Variants in CORO1C observed in about 807,000 individuals in gnomAD.
CORO1C encodes coronin 1C.
In CORO1C, 14 loss-of-function variants were observed where a neutral mutation model predicts 51.2. That is an observed-to-expected ratio of 0.27 (90% CI 0.18 to 0.43). CORO1C has a LOEUF of 0.43. CORO1C is among the 20% of genes least tolerant of loss of function. The probability of loss-of-function intolerance (pLI) is 1.00; values close to 1 mark genes in which losing one functional copy is unlikely to be tolerated. For missense variants in CORO1C, 417 were observed against 607.8 expected (o/e 0.69, Z 3.30); for synonymous variants, 181 against 210.5 (o/e 0.86, Z 1.21).
intron 6 of CORO1C, among the ~76,000 whole-genome samples, chr12:108,656,294 C>G (rs1216148683): frequency 1.4e-5 from 2 of 146,224 alleles, no homozygotes; most frequent in African/African-American, 2.5e-5. Context: ...GAGGTGGGGG[C>G]TCAGCCCCCG....
intron 1 of CORO1C, among the ~76,000 whole-genome samples, chr12:108,722,482 C>T (rs2035495205): frequency 6.6e-6 from 1 of 152,168 alleles, no homozygotes; most frequent in Non-Finnish European, 1.5e-5. Context: ...GGGCATGAGT[C>T]CTTACTTCTC....
intron 1 of CORO1C, among the ~76,000 whole-genome samples, chr12:108,713,411 C>A (rs2035239228): frequency 6.6e-6 from 1 of 152,172 alleles, no homozygotes; most frequent in Admixed American, 6.5e-5. Context: ...ACATAGCCTT[C>A]CAAATAGTTT....
intron 2 of CORO1C, among the ~76,000 whole-genome samples, chr12:108,690,566 T>C (rs1167924586): frequency 6.6e-6 from 1 of 152,242 alleles, no homozygotes; most frequent in Non-Finnish European, 1.5e-5. Context: ...AACATTTTAT[T>C]ATCAGAAAGC....
intron 3 of CORO1C, among the ~76,000 whole-genome samples, chr12:108,675,868 C>T (rs557818259): frequency 6.6e-6 from 1 of 152,220 alleles, no homozygotes; most frequent in South Asian, 2.1e-4. Context: ...TGAATCTGAC[C>T]GCACTTCAGG....
intron 3 of CORO1C, among the ~76,000 whole-genome samples, chr12:108,675,382 G>A (rs566319210): frequency 2.0e-5 from 3 of 152,060 alleles, no homozygotes; most frequent in Non-Finnish European, 4.4e-5. Flanking sequence ...CAGAAATCTT[G>A]AAGAGGTTTC....
intron 6 of CORO1C, among the ~76,000 whole-genome samples, chr12:108,655,525 G>A (rs1029595998): frequency 7.2e-5 from 11 of 152,306 alleles, no homozygotes; most frequent in South Asian, 2.1e-4. Context: ...GATTGCAAGC[G>A]CGCACCGCCA....
intron 2 of CORO1C, among the ~76,000 whole-genome samples, chr12:108,689,874 G>C (rs1048040091): frequency 6.6e-6 from 1 of 152,184 alleles, no homozygotes; most frequent in Non-Finnish European, 1.5e-5. Context: ...CAAGGAGAAT[G>C]TTAAGTCACA....
intron 3 of CORO1C, among the ~76,000 whole-genome samples, chr12:108,673,892 A>AAAAT (rs141267749): frequency 6.6e-6 from 1 of 151,782 alleles, no homozygotes; most frequent in Non-Finnish European, 1.5e-5. Context: ...AATAAAATAA[A>AAAAT]AAATAAATAA....
rs897224160 is a variant in CORO1C, at chr12:108,647,080, T to C, written c.*323A>G. On this transcript the variant is annotated 3_prime_UTR_variant, in exon 11 of 11. Coordinates refer to ENST00000261401, the MANE Select transcript of CORO1C (RefSeq NM_014325.4). Reference sequence around the variant, plus strand: ...TACTTGGGCACGACACAATCAGAATTAGTTTGTTTTCTAAAATTCAGAGTA... The same window carrying C: ...TACTTGGGCACGACACAATCAGAATCAGTTTGTTTTCTAAAATTCAGAGTA... 4 of 213,060 alleles carry C rather than the reference T, an allele frequency of 1.9e-5. No individual in the cohort carries two copies. The highest frequency in any genetic ancestry group is 6.9e-5 in the African/African-American group (3 of 43,602). 13.2% of individuals were successfully genotyped at this position (213,060 alleles called of 1,614,324 possible).
intron 2 of CORO1C, among the ~76,000 whole-genome samples, chr12:108,692,949 CA>C (rs1395666022): frequency 6.6e-6 from 1 of 152,058 alleles, no homozygotes; most frequent in Non-Finnish European, 1.5e-5. Context: ...AGGCGTGTGC[CA>C]CCATGCCCAG....
At chr12:108,695,059 G>T (rs2136857322) in intron 2 of CORO1C, among the ~76,000 whole-genome samples, 1 of 152,288 alleles carries the variant, frequency 6.6e-6, no homozygotes, top group African/African-American at 2.4e-5. Context: ...CTGGCCCAGG[G>T]TTTTTCACGA....
At chr12:108,672,401 G>GT (rs1045606404) in intron 3 of CORO1C, among the ~76,000 whole-genome samples, 2 of 152,138 alleles carry the variant, frequency 1.3e-5, no homozygotes, top group African/African-American at 4.8e-5. Context: ...AAGTCGTTTA[G>GT]TTTTTTAACG....
intron 2 of CORO1C, among the ~76,000 whole-genome samples, chr12:108,692,673 CA>C (rs1025202782): frequency 6.6e-6 from 1 of 152,158 alleles, no homozygotes; most frequent in African/African-American, 2.4e-5. Context: ...AAGTACTTTC[CA>C]AACCTAAGAC....
rs368147183 is a variant in CORO1C at position 108,706,186 on chromosome 12, C to CAAAAAAAAAAA, written c.-5-4864_-5-4863insTTTTTTTTTTT. ...TGGGCAACAGAGTGAGACTCTGAAT[C>CAAAAAAAAAAA]AAAAAAAAACAAAAAAAACAAAAAA... On this transcript the variant is annotated intron_variant, in intron 1 of 10. Coordinates refer to ENST00000261401, the MANE Select transcript of CORO1C (RefSeq NM_014325.4). Among the ~76,000 whole-genome samples the CAAAAAAAAAAA allele has an allele frequency of 1.3e-4, 15 of 118,464 alleles. No homozygotes were observed. The East Asian group carries it at 1.4e-3, about 11-fold the overall frequency. The allele number at this position is 118,464 out of a possible 152,430, so 77.7% of individuals were successfully genotyped here.
rs1230859810 is a variant in CORO1C at position 108,646,714 on chromosome 12, G to A, written c.*689C>T. 1 of 152,342 alleles carries A rather than the reference G, an allele frequency of 6.6e-6. No individual in the cohort carries two copies. The highest frequency in any genetic ancestry group is 1.5e-5 in the Non-Finnish European group (1 of 68,042). 9.4% of individuals were successfully genotyped at this position (152,342 alleles called of 1,614,324 possible). A position where few individuals can be genotyped will look rare whatever the true frequency, so the allele number is the denominator to read the frequency against. ...TTGATCAGAAGACTCCATGAAATGA[G>A]AGCGGTGGTAATATGAATCCACGTG... On this transcript the variant is annotated 3_prime_UTR_variant, in exon 11 of 11. Coordinates refer to ENST00000261401, the MANE Select transcript of CORO1C (RefSeq NM_014325.4).
intron 3 of CORO1C, among the ~76,000 whole-genome samples, chr12:108,669,940 T>G (rs2033649595): frequency 6.6e-6 from 1 of 152,186 alleles, no homozygotes; most frequent in Non-Finnish European, 1.5e-5. Flanking sequence ...ACTTAAAGAT[T>G]TTTTAAAATT....
chr12:108,708,019 A>G (rs2035075550), intron 1 of CORO1C, among the ~76,000 whole-genome samples: 1 of 152,212 alleles, frequency 6.6e-6, no homozygotes, highest in Non-Finnish European at 1.5e-5. Context: ...GAACCCTCAT[A>G]CACTCCTGGT....
intron 4 of CORO1C, among the ~76,000 whole-genome samples, chr12:108,660,217 C>T (rs1822229203): frequency 1.3e-5 from 2 of 152,138 alleles, no homozygotes; most frequent in South Asian, 2.1e-4. Flanking sequence ...CCTGGGAGGC[C>T]GAGGCGGGCA....
At chr12:108,657,763 T>C (rs921811345) in intron 5 of CORO1C, among the ~76,000 whole-genome samples, 1 of 152,198 alleles carries the variant, frequency 6.6e-6, no homozygotes, top group Admixed American at 6.5e-5. Context: ...GATAATAACA[T>C]AAGGAGATTA....
Sources: gnomAD v4.1 joint callset for allele counts (sites outside exome capture counted in the v4.1 genomes callset) on GRCh38, gnomAD v4.1.1 for gene constraint, MANE v1.5 for transcripts, NCBI Gene and HGNC (gene_info 2026-07-23, HGNC 2026-07-21) for gene names.